The following DLC1 variants were observed in gnomAD, a reference collection of about 807,000 sequenced individuals.
DLC1 encodes rho GTPase-activating protein 7.
Under a neutral mutation model 140.3 loss-of-function variants are expected in DLC1, and 54 were observed. That is an observed-to-expected ratio of 0.38 (90% CI 0.31 to 0.48). DLC1 has a LOEUF of 0.48. Ranked by LOEUF, DLC1 falls within the 20% of genes least tolerant of loss-of-function variation. DLC1 has a pLI of 0.96. For synonymous variants in DLC1, 986 were observed against 728.1 expected, an observed-to-expected ratio of 1.35 and a Z score of -5.70; for missense variants, 2,536 against 1,907.0, an observed-to-expected ratio of 1.33 and a Z score of -6.14.
chr8:13,289,098 C>T (rs1164377128), intron 5 of DLC1, among the ~76,000 whole-genome samples: 2 of 152,146 alleles, frequency 1.3e-5, no homozygotes, highest in Admixed American at 1.3e-4. Context: ...CTAAGGCATT[C>T]GGTGCTCATG....
Position 13,115,673 on chromosome 8 carries a change from A to G in DLC1, c.1349-16T>C. ...GCTTCAATTTCTAGAACAGAACAGA[A>G]GAAAGACAAAATTAGCCATGTGTAC... On this transcript the variant is annotated splice_polypyrimidine_tract_variant and intron_variant, in intron 5 of 17. Coordinates refer to ENST00000276297, the MANE Select transcript of DLC1 (RefSeq NM_182643.3). 1.9e-6 allele frequency: 3 copies of G among 1,612,238 alleles called. No individual in the cohort carries two copies. Among genetic ancestry groups the G allele is most frequent in the Admixed American group, 1.7e-5 (1 of 59,604 alleles).
At chr8:13,282,600 T>G (rs572088024) in intron 5 of DLC1, among the ~76,000 whole-genome samples, 2 of 152,318 alleles carry the variant, frequency 1.3e-5, no homozygotes, top group East Asian at 3.9e-4. Flanking sequence ...ATTTCCTTTA[T>G]TTTGTTCTTC....
At chr8:13,341,183 C>T (rs1017977850) in intron 4 of DLC1, 1 of 152,122 alleles carries the variant, frequency 6.6e-6, no homozygotes, top group Non-Finnish European at 1.5e-5. Context: ...ACACCAATAA[C>T]AAATGCATAA....
intron 4 of DLC1, among the ~76,000 whole-genome samples, chr8:13,352,241 C>T (rs76989997): frequency 0.086 from 13,121 of 152,200 alleles, 1,071 homozygotes; most frequent in East Asian, 0.39. Flanking sequence ...TCGGCCTCAC[C>T]GTCACATGCA....
At chr8:13,172,500 G>A (rs550169987) in intron 5 of DLC1, among the ~76,000 whole-genome samples, 168 of 152,162 alleles carry the variant, frequency 1.1e-3, no homozygotes, top group Non-Finnish European at 1.9e-3. Flanking sequence ...TCAGATCAAG[G>A]CTTGGAACAT....
At chr8:13,243,579 A>G (rs562765295) in intron 5 of DLC1, among the ~76,000 whole-genome samples, 13 of 152,282 alleles carry the variant, frequency 8.5e-5, no homozygotes, top group African/African-American at 3.1e-4. Flanking sequence ...AGGAACAATG[A>G]TGAAGACTTG....
At chr8:13,544,986 G>T (rs1803606991) in intron 1 of DLC1, among the ~76,000 whole-genome samples, 1 of 152,068 alleles carries the variant, frequency 6.6e-6, no homozygotes, top group South Asian at 2.1e-4. Context: ...CACCCCCCCT[G>T]GAACTGTGCA....
chr8:13,450,316 A>G (rs1267705102), intron 2 of DLC1, among the ~76,000 whole-genome samples: 3 of 151,746 alleles, frequency 2.0e-5, no homozygotes, highest in African/African-American at 7.2e-5. Flanking sequence ...TTAGCTGGGC[A>G]TGGTGGCGGG....
intron 4 of DLC1, among the ~76,000 whole-genome samples, chr8:13,330,802 C>T (rs1286310633): frequency 6.6e-6 from 1 of 152,198 alleles, no homozygotes; most frequent in Non-Finnish European, 1.5e-5. Flanking sequence ...TCTTCAGACT[C>T]TCTGTGCCTC....
chr8:13,491,348 G>A (rs1801230455), intron 2 of DLC1, among the ~76,000 whole-genome samples: 1 of 151,880 alleles, frequency 6.6e-6, no homozygotes, highest in Non-Finnish European at 1.5e-5. Context: ...ACATTACCCA[G>A]AAAAGCTATG....
chr8:13,086,393 G>C lies in DLC1; in HGVS notation c.4363C>G (p.Pro1455Ala), dbSNP rs1817562458. ...LLTSVDHDRA[P>A]VVGVRVNVLL... ...ACATTAACCCTCACACCCACCACAG[G>C]TGCGCGATCGTGATCCACAGAGGTT... The change falls in exon 17 of 18, where the codon CCT becomes GCT. Residue 1455 changes from proline (P) to alanine (A), a missense_variant. Pro to Ala is a conservative substitution (Grantham distance 27). Transcript: ENST00000276297. 2 of 1,614,080 alleles carry C rather than the reference G, an allele frequency of 1.2e-6. No individual in the cohort carries two copies. The highest frequency in any genetic ancestry group is 1.7e-5 in the Admixed American group (1 of 60,012).
intron 3 of DLC1, among the ~76,000 whole-genome samples, chr8:13,394,373 A>G (rs1836918948): frequency 6.6e-6 from 1 of 152,196 alleles, no homozygotes; most frequent in Non-Finnish European, 1.5e-5. Context: ...ATTAAATGCT[A>G]GCTACTCCAA....
intron 4 of DLC1, among the ~76,000 whole-genome samples, chr8:13,349,407 A>C (rs1464071423): frequency 6.6e-6 from 1 of 152,150 alleles, no homozygotes; most frequent in East Asian, 1.9e-4. Flanking sequence ...AGAAAGAAAA[A>C]AACGGAATAC....
At chr8:13,482,795 C>T (rs1248720501) in intron 2 of DLC1, among the ~76,000 whole-genome samples, 2 of 152,170 alleles carry the variant, frequency 1.3e-5, no homozygotes, top group Non-Finnish European at 2.9e-5. Flanking sequence ...CTCAATCACT[C>T]ATTCAACAGA....
At chr8:13,300,158 C>G (rs1832131298) in intron 5 of DLC1, among the ~76,000 whole-genome samples, 1 of 152,116 alleles carries the variant, frequency 6.6e-6, no homozygotes, top group African/African-American at 2.4e-5. Context: ...TGAAAGCCAT[C>G]ATCTTCAGCA....
At chr8:13,540,352 TC>T (rs1803441735) in intron 1 of DLC1, among the ~76,000 whole-genome samples, 4 of 152,336 alleles carry the variant, frequency 2.6e-5, no homozygotes, top group Admixed American at 2.6e-4. Context: ...AACTAACCGT[TC>T]ATATTTTCTA....
chr8:13,318,663 G>C (rs903628841), intron 4 of DLC1, among the ~76,000 whole-genome samples: 15 of 152,186 alleles, frequency 9.9e-5, no homozygotes, highest in African/African-American at 3.4e-4. Flanking sequence ...CACCTAGTTG[G>C]AACATGGGCT....
At chr8:13,120,356 A>AATATATATATATATATATAT (rs1554577907) in intron 5 of DLC1, among the ~76,000 whole-genome samples, 2 of 61,094 alleles carry the variant, frequency 3.3e-5, no homozygotes, top group African/African-American at 4.2e-5. Context: ...AAAAAAAAAA[A>AATATATATATATATATATAT]ATATATATAT....
In DLC1 at chr8:13,499,835, AC is replaced by A; in HGVS notation, c.236del (p.Gly79ValfsTer29). 1 of 1,614,046 alleles carries A rather than the reference AC, an allele frequency of 6.2e-7. No homozygotes were observed. Among genetic ancestry groups the A allele is most frequent in the Non-Finnish European group, 8.5e-7 (1 of 1,179,996 alleles). On this transcript the variant is annotated frameshift_variant, in exon 2 of 18. Transcript: ENST00000276297. LOFTEE classifies it high-confidence loss of function. ...ELRDFPGRPMGHLSKDVDEND... is the reference protein window; with the variant it reads ...ELRDFPGRPMXHLSKDVDEND... ...TTTCGTCCACATCCTTTGAAAGATG[AC>A]CCATTGGCCTCCCAGGAAAATCTCT... is the stretch of plus-strand genomic sequence containing the variant.
Sources: allele counts gnomAD v4.1 joint callset (sites outside exome capture counted in the v4.1 genomes callset), GRCh38; gene constraint gnomAD v4.1.1; transcripts MANE v1.5; gene names NCBI Gene and HGNC (gene_info 2026-07-23, HGNC 2026-07-21).